Variants in NYAP2 observed in about 807,000 individuals in gnomAD.
NYAP2 encodes the protein neuronal tyrosine-phosphorylated phosphoinositide-3-kinase adapter 2.
In NYAP2, 23 loss-of-function variants were observed where a neutral mutation model predicts 50.4. The observed-to-expected ratio is 0.46, with a 90% CI of 0.33 to 0.65. The LOEUF (loss-of-function observed/expected upper bound fraction) is 0.65. NYAP2 is among the 30% of genes least tolerant of loss of function. The probability of loss-of-function intolerance (pLI) is 0.02; values close to 1 mark genes in which losing one functional copy is unlikely to be tolerated. For synonymous variants in NYAP2, 394 were observed against 365.2 expected (o/e 1.08, Z -0.90); for missense variants, 885 against 861.0 (o/e 1.03, Z -0.35).
intron 3 of NYAP2, among the ~76,000 whole-genome samples, chr2:225,425,514 C>G (rs1271575608): frequency 6.6e-6 from 1 of 152,196 alleles, no homozygotes; most frequent in Non-Finnish European, 1.5e-5. Context: ...TGGCTAATTT[C>G]ATGCTGCAAT....
chr2:225,565,783 C>T (rs1691950522), intron 4 of NYAP2, among the ~76,000 whole-genome samples: 2 of 152,082 alleles, frequency 1.3e-5, no homozygotes, highest in Admixed American at 1.3e-4. Flanking sequence ...CAGTTGAGCT[C>T]AACAAGGCTT....
chr2:225,630,389 G>A (rs1574719448), intron 6 of NYAP2, among the ~76,000 whole-genome samples: 2 of 152,140 alleles, frequency 1.3e-5, no homozygotes, highest in East Asian at 1.9e-4. Context: ...CTTCTGTTCT[G>A]CTACCCTTGA....
intron 4 of NYAP2, among the ~76,000 whole-genome samples, chr2:225,518,250 G>T (rs749295530): frequency 1.8e-4 from 28 of 151,688 alleles, no homozygotes; most frequent in Non-Finnish European, 3.4e-4. Flanking sequence ...AATGAAATTA[G>T]CTAAGCACAG....
intron 3 of NYAP2, among the ~76,000 whole-genome samples, chr2:225,475,971 T>C (rs751344792): frequency 1.3e-5 from 2 of 152,198 alleles, no homozygotes; most frequent in African/African-American, 2.4e-5. Context: ...GATTTTCCAA[T>C]AAATAAGTGG....
rs191660395 is a variant in NYAP2 at position 225,404,132 on chromosome 2, G to A, written c.-18+3089G>A. Among the ~76,000 whole-genome samples, 304 of 151,906 alleles carry A rather than the reference G, an allele frequency of 2.0e-3. 1 individual carries two copies. Among genetic ancestry groups the A allele is most frequent in the African/African-American group, 6.5e-3 (270 of 41,492 alleles). ...ACCCTCTGGTAGATTGAGACCACAC[G>A]CAATTGATACCTTAATTTACAATGA... On this transcript the variant is annotated intron_variant, in intron 2 of 6. Coordinates refer to ENST00000636099, the Ensembl canonical transcript of NYAP2.
At position 225,617,775 on chromosome 2, in the gene NYAP2, T is replaced by C. The variant is rs184279948; in HGVS notation, c.1619-9142T>C. Among the ~76,000 whole-genome samples, 196 of 152,344 alleles carry C rather than the reference T, an allele frequency of 1.3e-3. 2 individuals carry two copies. The highest frequency in any genetic ancestry group is 2.5e-3 in the Admixed American group (39 of 15,306). On this transcript the variant is annotated intron_variant, in intron 5 of 6. Transcript: ENST00000636099. Reference sequence around the variant, plus strand: ...CTCCAGTTATTGAGGGCTATTGGTTTATGCTTGCTATGCATGGCCCATCTG... The same window carrying C: ...CTCCAGTTATTGAGGGCTATTGGTTCATGCTTGCTATGCATGGCCCATCTG...
intron 3 of NYAP2, among the ~76,000 whole-genome samples, chr2:225,454,521 C>T (rs1689705444): frequency 6.6e-6 from 1 of 152,134 alleles, no homozygotes; most frequent in African/African-American, 2.4e-5. Flanking sequence ...AAGATGTCCA[C>T]ATCCAATTGC....
At chr2:225,605,526 G>A (rs1205870668) in intron 5 of NYAP2, among the ~76,000 whole-genome samples, 1 of 152,080 alleles carries the variant, frequency 6.6e-6, no homozygotes, top group Non-Finnish European at 1.5e-5. Flanking sequence ...CCTAGCTGAA[G>A]TAGCTAAGTA....
the NYAP2 span, among the ~76,000 whole-genome samples, chr2:225,663,027 T>A: frequency 6.6e-6 from 1 of 152,194 alleles, no homozygotes; most frequent in Non-Finnish European, 1.5e-5. Flanking sequence ...AAGTGTTAAA[T>A]GTGTTCATTT....
At chr2:225,469,975 T>C (rs1376099350) in intron 3 of NYAP2, among the ~76,000 whole-genome samples, 2 of 152,142 alleles carry the variant, frequency 1.3e-5, no homozygotes, top group Non-Finnish European at 2.9e-5. Flanking sequence ...GTTCTGCACA[T>C]GTACCCCAGA....
intron 3 of NYAP2, among the ~76,000 whole-genome samples, chr2:225,482,969 T>C (rs1690231220): frequency 6.6e-6 from 1 of 152,186 alleles, no homozygotes; most frequent in Non-Finnish European, 1.5e-5. Context: ...GTAAATATTG[T>C]ACTTCTTTAC....
At chr2:225,696,330 G>A in the NYAP2 span, among the ~76,000 whole-genome samples, 1 of 151,890 alleles carries the variant, frequency 6.6e-6, no homozygotes, top group Non-Finnish European at 1.5e-5. Context: ...CTTTGAACAT[G>A]CCTGGCAGAG....
intron 3 of NYAP2, among the ~76,000 whole-genome samples, chr2:225,462,583 T>A (rs1689850075): frequency 6.6e-6 from 1 of 152,204 alleles, no homozygotes; most frequent in Non-Finnish European, 1.5e-5. Context: ...ATTCATCTTC[T>A]TGATCTTATT....
intron 4 of NYAP2, among the ~76,000 whole-genome samples, chr2:225,541,062 T>C (rs1393812124): frequency 1.3e-5 from 2 of 152,216 alleles, no homozygotes; most frequent in African/African-American, 4.8e-5. Context: ...CACCTTTTCA[T>C]ATACCTGTTT....
At chr2:225,453,091 G>A (rs561110209) in intron 3 of NYAP2, among the ~76,000 whole-genome samples, 1 of 152,280 alleles carries the variant, frequency 6.6e-6, no homozygotes, top group South Asian at 2.1e-4. Context: ...AATTCTAGAT[G>A]CAACTCAGTA....
chr2:225,639,652 T>C (rs1693491195), intron 6 of NYAP2, among the ~76,000 whole-genome samples: 2 of 152,194 alleles, frequency 1.3e-5, no homozygotes, highest in Admixed American at 1.3e-4. Flanking sequence ...TGCTCCCAGG[T>C]TTATTCATTT....
At chr2:225,689,481 T>C in the NYAP2 span, among the ~76,000 whole-genome samples, 25 of 152,154 alleles carry the variant, frequency 1.6e-4, no homozygotes, top group South Asian at 4.1e-4. Flanking sequence ...AGGTGATTTT[T>C]AGATCTAGAA....
chr2:225,566,048 TCTATAA>T (rs767053907), intron 4 of NYAP2, among the ~76,000 whole-genome samples: 18 of 152,178 alleles, frequency 1.2e-4, no homozygotes, highest in Non-Finnish European at 2.5e-4. Context: ...ATTCAATTTC[TCTATAA>T]CTATATTTTA....
chr2:225,555,733 C>T (rs1209951338), intron 4 of NYAP2, among the ~76,000 whole-genome samples: 3 of 152,284 alleles, frequency 2.0e-5, no homozygotes, highest in East Asian at 3.9e-4. Flanking sequence ...CCAGTAAAAA[C>T]AAGAGTCCAA....
Sources: allele counts gnomAD v4.1 joint callset (sites outside exome capture counted in the v4.1 genomes callset), GRCh38; gene constraint gnomAD v4.1.1; transcripts MANE v1.5; gene names NCBI Gene and HGNC (gene_info 2026-07-23, HGNC 2026-07-21).